TMEM108: variants seen among roughly 807,000 people sequenced by gnomAD.
The protein encoded by TMEM108 is transmembrane protein 108.
Under a neutral mutation model 35.1 loss-of-function variants are expected in TMEM108, and 12 were observed. The observed-to-expected ratio is 0.34, with a 90% CI of 0.22 to 0.55. The LOEUF (loss-of-function observed/expected upper bound fraction) is 0.55, where lower values mean the gene tolerates loss of function less well. Ranked by LOEUF, TMEM108 falls within the 20% of genes least tolerant of loss-of-function variation. TMEM108 has a pLI of 0.89. For synonymous variants in TMEM108, 287 were observed against 308.6 expected (o/e 0.93, Z 0.73); for missense variants, 680 against 753.3 (o/e 0.90, Z 1.14).
At chr3:133,331,879 A>G (rs2071397421) in intron 3 of TMEM108, among the ~76,000 whole-genome samples, 1 of 152,156 alleles carries the variant, frequency 6.6e-6, no homozygotes, top group African/African-American at 2.4e-5. Context: ...TTTGAGTTCA[A>G]TTTTCTGGCT....
At chr3:133,162,980 C>A (rs938722056) in intron 2 of TMEM108, among the ~76,000 whole-genome samples, 2 of 152,154 alleles carry the variant, frequency 1.3e-5, no homozygotes, top group Admixed American at 1.3e-4. Flanking sequence ...CTGGGGTTTT[C>A]TCCCACCCCA....
chr3:133,059,792 G>T (rs1435595265), intron 2 of TMEM108, among the ~76,000 whole-genome samples: 1 of 152,082 alleles, frequency 6.6e-6, no homozygotes, highest in Non-Finnish European at 1.5e-5. Flanking sequence ...TGTTCTAGTT[G>T]TTTAATGCAT....
At chr3:133,118,924 T>C (rs1261863634) in intron 2 of TMEM108, 2 of 152,206 alleles carry the variant, frequency 1.3e-5, no homozygotes, top group African/African-American at 2.4e-5. Context: ...TCTAATAGCA[T>C]AGACTTGATC....
At chr3:133,322,818 C>A (rs2071283048) in intron 3 of TMEM108, among the ~76,000 whole-genome samples, 1 of 152,040 alleles carries the variant, frequency 6.6e-6, no homozygotes, top group African/African-American at 2.4e-5. Context: ...GATAATAAAC[C>A]ATGATCAAGT....
At chr3:133,114,423 G>A (rs1200029236) in intron 2 of TMEM108, among the ~76,000 whole-genome samples, 3 of 152,134 alleles carry the variant, frequency 2.0e-5, no homozygotes, top group Non-Finnish European at 4.4e-5. Flanking sequence ...AGATGCTGGC[G>A]AGTCATAATG....
At chr3:133,067,707 G>T (rs1210466950) in intron 2 of TMEM108, among the ~76,000 whole-genome samples, 1 of 152,134 alleles carries the variant, frequency 6.6e-6, no homozygotes, top group African/African-American at 2.4e-5. Flanking sequence ...GGGCCAATAG[G>T]ACTGTAAACA....
intron 2 of TMEM108, among the ~76,000 whole-genome samples, chr3:133,206,289 G>A (rs1015683168): frequency 6.6e-6 from 1 of 152,166 alleles, no homozygotes; most frequent in African/African-American, 2.4e-5. Context: ...ACCTTCTGAA[G>A]CCTACTTCTG....
chr3:133,288,735 A>G (rs896781610), intron 3 of TMEM108, among the ~76,000 whole-genome samples: 2 of 152,198 alleles, frequency 1.3e-5, no homozygotes, highest in African/African-American at 4.8e-5. Flanking sequence ...GTATTTTTAC[A>G]TATAATAATT....
intron 2 of TMEM108, among the ~76,000 whole-genome samples, chr3:133,203,976 G>A (rs116318124): frequency 0.014 from 2,091 of 152,210 alleles, 54 homozygotes; most frequent in African/African-American, 0.048. Flanking sequence ...TTCAGACCTT[G>A]TTATTGGTCT....
chr3:133,069,775 G>C (rs1943654916), intron 2 of TMEM108, among the ~76,000 whole-genome samples: 1 of 152,122 alleles, frequency 6.6e-6, no homozygotes, highest in Non-Finnish European at 1.5e-5. Flanking sequence ...GGCTTTGTCT[G>C]TCTGTTTGGT....
chr3:133,163,246 C>A (rs1172163326), intron 2 of TMEM108, among the ~76,000 whole-genome samples: 1 of 152,158 alleles, frequency 6.6e-6, no homozygotes, highest in Non-Finnish European at 1.5e-5. Flanking sequence ...GCCTTACTTT[C>A]TTTTTCCTCT....
intron 3 of TMEM108, among the ~76,000 whole-genome samples, chr3:133,245,633 C>G (rs1486881532): frequency 2.0e-5 from 3 of 152,148 alleles, no homozygotes; most frequent in Non-Finnish European, 4.4e-5. Flanking sequence ...TAGAACAATG[C>G]CTGGCACATG....
At chr3:133,389,922 A>ATGG (rs2073209592) in intron 4 of TMEM108, among the ~76,000 whole-genome samples, 1 of 151,854 alleles carries the variant, frequency 6.6e-6, no homozygotes, top group Non-Finnish European at 1.5e-5. Context: ...TTTTTTGATG[A>ATGG]TGATGATGAT....
At position 133,342,544 on chromosome 3, in the gene TMEM108, G is replaced by GATATATATATATATA. The variant is rs2071688329; in HGVS notation, c.41-37208_41-37207insATATATATATATATA. On this transcript the variant is annotated intron_variant, in intron 3 of 5. Coordinates refer to ENST00000321871, the MANE Select transcript of TMEM108 (RefSeq NM_023943.4). ...TAAAAAAGTTAAAAAAGAAAATGTG[G>GATATATATATATATA]TATATATATATACACACACACACAC... 6.1e-3 allele frequency among the ~76,000 whole-genome samples: 285 copies of GATATATATATATATA among 46,662 alleles called. 12 individuals are homozygous for GATATATATATATATA. Among genetic ancestry groups the GATATATATATATATA allele is most frequent in the African/African-American group, 0.024 (263 of 10,944 alleles). 30.6% of individuals were successfully genotyped at this position (46,662 alleles called of 152,430 possible).
At position 133,397,610 on chromosome 3, in the gene TMEM108, A is replaced by G. The variant is rs931120953; in HGVS notation, c.*1624A>G. 3 of 152,202 alleles carry G rather than the reference A, an allele frequency of 2.0e-5. No homozygotes were observed. Among genetic ancestry groups the G allele is most frequent in the Admixed American group, 6.5e-5 (1 of 15,282 alleles). The allele number at this position is 152,202 out of a possible 1,614,324, so 9.4% of individuals were successfully genotyped here. A position where few individuals can be genotyped will look rare whatever the true frequency, so the allele number is the denominator to read the frequency against. ...TACATTTAATATACCAATGTGTGTAAGTATACAGAGAAAAATCTGTTTGTA... is the reference window on the plus strand; with the variant it reads ...TACATTTAATATACCAATGTGTGTAGGTATACAGAGAAAAATCTGTTTGTA... On this transcript the variant is annotated 3_prime_UTR_variant, in exon 6 of 6. Coordinates refer to ENST00000321871, the MANE Select transcript of TMEM108 (RefSeq NM_023943.4).
intron 2 of TMEM108, among the ~76,000 whole-genome samples, chr3:133,131,559 T>C (rs974671121): frequency 1.3e-5 from 2 of 150,416 alleles, no homozygotes; most frequent in African/African-American, 2.5e-5. Context: ...AGACAGCAAA[T>C]TGATAAATGT....
chr3:133,139,129 A>G (rs1040169572), intron 2 of TMEM108, among the ~76,000 whole-genome samples: 4 of 152,146 alleles, frequency 2.6e-5, no homozygotes, highest in Non-Finnish European at 4.4e-5. Context: ...TCCATGGTGT[A>G]TATGTGCCAC....
intron 2 of TMEM108, among the ~76,000 whole-genome samples, chr3:133,058,517 T>C (rs1040298814): frequency 1.3e-4 from 20 of 152,226 alleles, no homozygotes; most frequent in Admixed American, 9.2e-4. Context: ...GTCTTTTGTT[T>C]GGCTGTGAGA....
intron 2 of TMEM108, among the ~76,000 whole-genome samples, chr3:133,157,111 C>T (rs1944893055): frequency 6.6e-6 from 1 of 151,906 alleles, no homozygotes; most frequent in African/African-American, 2.4e-5. Flanking sequence ...CCTGGATATC[C>T]AGGTTTTAGA....
Sources: allele counts gnomAD v4.1 joint callset (sites outside exome capture counted in the v4.1 genomes callset), GRCh38; gene constraint gnomAD v4.1.1; transcripts MANE v1.5; gene names NCBI Gene and HGNC (gene_info 2026-07-23, HGNC 2026-07-21).